The following FARS2 variants were observed in gnomAD, a reference collection of about 807,000 sequenced individuals.
FARS2 encodes the protein phenylalanyl-tRNA synthetase 2, mitochondrial.
Under a neutral mutation model 46.4 loss-of-function variants are expected in FARS2, and 40 were observed. That is an observed-to-expected ratio of 0.86 (90% confidence interval 0.67 to 1.12). The LOEUF is 1.12. Among genes scored for constraint, FARS2 ranks in the 50% most tolerant of loss-of-function variants. The probability of loss-of-function intolerance (pLI) is 0.00; values close to 1 mark genes in which losing one functional copy is unlikely to be tolerated. For synonymous variants in FARS2, 234 were observed against 214.9 expected, an observed-to-expected ratio of 1.09 and a Z score of -0.78; for missense variants, 513 against 567.9, an observed-to-expected ratio of 0.90 and a Z score of 0.98.
At chr6:5,373,305 ATCT>A (rs1759173080) in intron 2 of FARS2, among the ~76,000 whole-genome samples, 1 of 152,122 alleles carries the variant, frequency 6.6e-6, no homozygotes, top group African/African-American at 2.4e-5. Flanking sequence ...CTCACACTAA[ATCT>A]TCAACATAAT....
chr6:5,762,878 A>G (rs1762551673), intron 6 of FARS2, among the ~76,000 whole-genome samples: 2 of 152,174 alleles, frequency 1.3e-5, no homozygotes, highest in Admixed American at 1.3e-4. Context: ...ACTGGTGTTC[A>G]CTGGCTGGGA....
At chr6:5,544,243 G>C (rs1047282681) in intron 4 of FARS2, among the ~76,000 whole-genome samples, 1 of 152,192 alleles carries the variant, frequency 6.6e-6, no homozygotes, top group Non-Finnish European at 1.5e-5. Context: ...GGCCAAGATG[G>C]AGTCCTAGAT....
At chr6:5,327,234 T>C (rs527519942) in intron 1 of FARS2, among the ~76,000 whole-genome samples, 22 of 152,356 alleles carry the variant, frequency 1.4e-4, no homozygotes, top group Admixed American at 1.1e-3. Flanking sequence ...CTAACAGTTA[T>C]TATTCTACTT....
chr6:5,485,739 C>T (rs1185723554), intron 4 of FARS2, among the ~76,000 whole-genome samples: 2 of 152,242 alleles, frequency 1.3e-5, no homozygotes, highest in Non-Finnish European at 2.9e-5. Flanking sequence ...CCTGCAGCTT[C>T]GGTTTGTCAA....
chr6:5,487,778 T>C (rs1766866210), intron 4 of FARS2, among the ~76,000 whole-genome samples: 1 of 152,202 alleles, frequency 6.6e-6, no homozygotes, highest in Admixed American at 6.5e-5. Flanking sequence ...CCAAAGACCT[T>C]TGGTCATTGA....
rs1489353987 is a variant in FARS2, at chr6:5,555,048, G to A, written c.1065+9708G>A. Among the ~76,000 whole-genome samples, 3 of 152,110 alleles carry A rather than the reference G, an allele frequency of 2.0e-5. 1 individual carries two copies. Among genetic ancestry groups the A allele is most frequent in the African/African-American group, 7.3e-5 (3 of 41,364 alleles). On this transcript the variant is annotated intron_variant, in intron 5 of 6. Transcript: ENST00000274680. The stretch of plus-strand genomic sequence containing the variant: ...TGTACTCCCATAATTCCCACGTGTT[G>A]TGGGAGGGACCAGATGGCAGATAAT...
chr6:5,340,756 C>T (rs1037908022), intron 1 of FARS2, among the ~76,000 whole-genome samples: 1 of 152,024 alleles, frequency 6.6e-6, no homozygotes, highest in African/African-American at 2.4e-5. Flanking sequence ...CCATCTTCTG[C>T]CCTTCTGCCT....
chr6:5,574,142 T>A (rs1173620256), intron 5 of FARS2, among the ~76,000 whole-genome samples: 1 of 152,196 alleles, frequency 6.6e-6, no homozygotes, highest in East Asian at 1.9e-4. Context: ...TTTGTTTTGT[T>A]TTGTTTTGAG....
chr6:5,697,846 G>A (rs1290121995), intron 6 of FARS2, among the ~76,000 whole-genome samples: 1 of 152,090 alleles, frequency 6.6e-6, no homozygotes, highest in Non-Finnish European at 1.5e-5. Context: ...GGTCTGAAAA[G>A]AATATCAAGC....
At chr6:5,572,965 C>T (rs910042525) in intron 5 of FARS2, among the ~76,000 whole-genome samples, 1 of 152,154 alleles carries the variant, frequency 6.6e-6, no homozygotes, top group Admixed American at 6.5e-5. Flanking sequence ...AATAGTTCCT[C>T]ATTACTTAAG....
intron 1 of FARS2, among the ~76,000 whole-genome samples, chr6:5,342,961 C>T (rs962230892): frequency 4.6e-5 from 7 of 151,926 alleles, no homozygotes; most frequent in Non-Finnish European, 1.0e-4. Flanking sequence ...TTCATGGGTC[C>T]ATTCGCTAGG....
chr6:5,717,212 G>A (rs1037473917), intron 6 of FARS2, among the ~76,000 whole-genome samples: 8 of 152,192 alleles, frequency 5.3e-5, no homozygotes, highest in African/African-American at 1.9e-4. Context: ...GGAAAAAGAA[G>A]GTAGAAGGTC....
At chr6:5,690,309 T>C (rs1757598156) in intron 6 of FARS2, among the ~76,000 whole-genome samples, 1 of 152,218 alleles carries the variant, frequency 6.6e-6, no homozygotes, top group South Asian at 2.1e-4. Flanking sequence ...TCTTTACAAT[T>C]TGGCATGATT....
chr6:5,445,532 G>T (rs149784620), intron 4 of FARS2, among the ~76,000 whole-genome samples: 30 of 152,236 alleles, frequency 2.0e-4, no homozygotes, highest in African/African-American at 7.0e-4. Context: ...CAAAATTTAT[G>T]CCAGGTTTTA....
rs570728913 is a variant in FARS2 at position 5,261,584 on chromosome 6, T to C, written c.-98T>C. ...CTCTGAAGTTGGGGTTTAAGATTCT[T>C]GCCCGTGAGAGCGAACGAGCCTGCC... On this transcript the variant is annotated 5_prime_UTR_variant, in exon 1 of 7. Coordinates refer to ENST00000274680, the MANE Select transcript of FARS2 (RefSeq NM_006567.5). 1 of 152,540 alleles carries C rather than the reference T, an allele frequency of 6.6e-6. No individual in the cohort carries two copies. The highest frequency in any genetic ancestry group is 1.5e-5 in the Non-Finnish European group (1 of 68,158). 9.4% of individuals were successfully genotyped at this position (152,540 alleles called of 1,614,324 possible). A position where few individuals can be genotyped will look rare whatever the true frequency, so the allele number is the denominator to read the frequency against.
chr6:5,640,464 C>A (rs1244643988), intron 6 of FARS2, among the ~76,000 whole-genome samples: 1 of 152,198 alleles, frequency 6.6e-6, no homozygotes, highest in Non-Finnish European at 1.5e-5. Flanking sequence ...CTAAATGTTA[C>A]TCCTTCTAGG....
chr6:5,499,115 C>T (rs1197354761), intron 4 of FARS2, among the ~76,000 whole-genome samples: 3 of 152,190 alleles, frequency 2.0e-5, no homozygotes, highest in African/African-American at 7.2e-5. Flanking sequence ...CCAGGCTGGT[C>T]ACGAAGCGGT....
intron 3 of FARS2, among the ~76,000 whole-genome samples, chr6:5,413,396 G>A (rs1454306336): frequency 2.6e-5 from 4 of 152,174 alleles, no homozygotes; most frequent in Non-Finnish European, 4.4e-5. Context: ...AACCATCAGT[G>A]TGCCTGGAAC....
At chr6:5,482,973 C>G (rs1191603113) in intron 4 of FARS2, among the ~76,000 whole-genome samples, 1 of 152,182 alleles carries the variant, frequency 6.6e-6, no homozygotes, top group African/African-American at 2.4e-5. Context: ...TGACTGACCA[C>G]TGCTGCCAGG....
Sources: gnomAD v4.1 joint callset for allele counts (sites outside exome capture counted in the v4.1 genomes callset) on GRCh38, gnomAD v4.1.1 for gene constraint, MANE v1.5 for transcripts, NCBI Gene and HGNC (gene_info 2026-07-23, HGNC 2026-07-21) for gene names.